Variants in WASF1 observed in about 807,000 individuals in gnomAD.
The protein encoded by WASF1 is WASP family member 1.
A neutral mutation model predicts 50.5 loss-of-function variants in WASF1; 7 were observed. That is an observed-to-expected ratio of 0.14 (90% CI 0.08 to 0.26). The LOEUF (loss-of-function observed/expected upper bound fraction) is 0.26. Ranked by LOEUF, WASF1 falls within the 10% of genes least tolerant of loss-of-function variation. The probability of loss-of-function intolerance (pLI) is 1.00; values close to 1 mark genes in which losing one functional copy is unlikely to be tolerated. For synonymous variants in WASF1, 205 were observed against 244.0 expected, an observed-to-expected ratio of 0.84 and a Z score of 1.49; for missense variants, 470 against 694.7, an observed-to-expected ratio of 0.68 and a Z score of 3.64.
At chr6:110,163,907 C>T (rs199972580) in intron 2 of WASF1, among the ~76,000 whole-genome samples, 137 of 151,534 alleles carry the variant, frequency 9.0e-4, no homozygotes, top group African/African-American at 2.4e-3. Context: ...GAAACAGACC[C>T]GTGCAAATAG....
In WASF1 at chr6:110,117,141, A is replaced by G. The variant is rs545725613; in HGVS notation, c.134-3681T>C. On this transcript the variant is annotated intron_variant, in intron 4 of 10. Coordinates refer to ENST00000392589, the MANE Select transcript of WASF1 (RefSeq NM_003931.3). The stretch of plus-strand genomic sequence containing the variant: ...TTGCAGCTCCTTGCCAGCAAGGGAA[A>G]AAAACTGGATGGAAAATGAGTTTGA... Among the ~76,000 whole-genome samples the G allele has an allele frequency of 3.9e-5, 6 of 152,330 alleles. No homozygotes were observed. In the East Asian group the frequency reaches 1.2e-3, roughly 29 times the overall value.
chr6:110,159,851 A>C (rs1776188998), intron 3 of WASF1, among the ~76,000 whole-genome samples: 1 of 151,824 alleles, frequency 6.6e-6, no homozygotes, highest in Non-Finnish European at 1.5e-5. Flanking sequence ...GAAATTTTCC[A>C]CTTGTGGTAT....
intron 2 of WASF1, among the ~76,000 whole-genome samples, chr6:110,173,805 A>G (rs1268492902): frequency 6.6e-6 from 1 of 152,196 alleles, no homozygotes; most frequent in Non-Finnish European, 1.5e-5. Context: ...AGCTTCAGCA[A>G]CTGAAGAGAA....
Position 110,172,174 on chromosome 6 carries a change from C to T in WASF1, c.-127+6424G>A, listed in dbSNP as rs1776749614. Among the ~76,000 whole-genome samples the T allele has an allele frequency of 3.3e-5, 5 of 152,276 alleles. No homozygotes were observed. The South Asian group carries it at 1.0e-3, about 32-fold the overall frequency. On this transcript the variant is annotated intron_variant, in intron 2 of 10. Coordinates refer to ENST00000392589, the MANE Select transcript of WASF1 (RefSeq NM_003931.3). ...GAATTACCATTTGACTCAGCAATCCCATTACTGGGTATATACCCAAAGGAT... is the reference window on the plus strand; with the variant it reads ...GAATTACCATTTGACTCAGCAATCCTATTACTGGGTATATACCCAAAGGAT...
chr6:110,168,729 A>G (rs966215240), intron 2 of WASF1, among the ~76,000 whole-genome samples: 6 of 152,082 alleles, frequency 3.9e-5, no homozygotes, highest in Non-Finnish European at 7.4e-5. Context: ...TCTACTACTA[A>G]GCACATCAAG....
Position 110,106,969 on chromosome 6 carries a change from G to A in WASF1, c.540+108C>T, listed in dbSNP as rs544977614. ...AAAGACTTCAGTATTTAACTATATG[G>A]ACCCAATAAAATAAAACTGTCAAAA... On this transcript the variant is annotated intron_variant, in intron 7 of 10. Transcript: ENST00000392589. The A allele has an allele frequency of 2.9e-5, 23 of 785,036 alleles. No individual in the cohort carries two copies. The Middle Eastern group carries it at 7.6e-4, about 26-fold the overall frequency. 48.6% of individuals were successfully genotyped at this position (785,036 alleles called of 1,614,324 possible).
intron 3 of WASF1, among the ~76,000 whole-genome samples, chr6:110,145,134 T>C (rs1291955120): frequency 2.0e-5 from 3 of 152,216 alleles, no homozygotes; most frequent in South Asian, 2.1e-4. Context: ...TTTTATTTCA[T>C]TGAGCAGTGG....
intron 3 of WASF1, among the ~76,000 whole-genome samples, chr6:110,133,364 CT>C (rs1774786891): frequency 6.6e-6 from 1 of 151,374 alleles, no homozygotes; most frequent in Non-Finnish European, 1.5e-5. Flanking sequence ...TTTATAGTAT[CT>C]TTTTTATATA....
intron 3 of WASF1, among the ~76,000 whole-genome samples, chr6:110,129,964 A>G (rs1239161745): frequency 6.6e-6 from 1 of 152,222 alleles, no homozygotes; most frequent in Non-Finnish European, 1.5e-5. Flanking sequence ...ACAGTCCTGC[A>G]CTACTGCAAA....
At chr6:110,133,636 G>C (rs372250769) in intron 3 of WASF1, among the ~76,000 whole-genome samples, 1 of 152,084 alleles carries the variant, frequency 6.6e-6, no homozygotes, top group East Asian at 1.9e-4. Context: ...CTGATTATTA[G>C]TGATGGTGAC....
chr6:110,159,305 G>A (rs576973457), intron 3 of WASF1, among the ~76,000 whole-genome samples: 10 of 151,818 alleles, frequency 6.6e-5, no homozygotes, highest in African/African-American at 2.2e-4. Context: ...ACACAAAAAC[G>A]AAAACAAAAA....
intron 4 of WASF1, among the ~76,000 whole-genome samples, chr6:110,119,553 C>G (rs1257483013): frequency 6.6e-6 from 1 of 152,030 alleles, no homozygotes; most frequent in Non-Finnish European, 1.5e-5. Flanking sequence ...ATTTAATAGC[C>G]TACCAACCAA....
At chr6:110,172,804 T>G (rs1021890246) in intron 2 of WASF1, among the ~76,000 whole-genome samples, 1 of 152,058 alleles carries the variant, frequency 6.6e-6, no homozygotes, top group Non-Finnish European at 1.5e-5. Context: ...AGATGGTGGG[T>G]GAGGGGTGAG....
intron 7 of WASF1, among the ~76,000 whole-genome samples, chr6:110,106,400 C>T (rs1773326649): frequency 6.6e-6 from 1 of 152,192 alleles, no homozygotes; most frequent in South Asian, 2.1e-4. Context: ...TGGCATTATA[C>T]AGGGATTAGG....
chr6:110,124,270 C>CTATATA (rs1472747620), intron 4 of WASF1, among the ~76,000 whole-genome samples: 3 of 52,460 alleles, frequency 5.7e-5, no homozygotes, highest in African/African-American at 1.1e-4. Context: ...CTCTCTCTCT[C>CTATATA]TCTCTATATA....
At chr6:110,102,773 T>C (rs1273645088) in intron 9 of WASF1, among the ~76,000 whole-genome samples, 2 of 152,162 alleles carry the variant, frequency 1.3e-5, no homozygotes, top group African/African-American at 4.8e-5. Context: ...AAAGCTGATC[T>C]CTATATCTCT....
chr6:110,172,906 C>T (rs188367241), intron 2 of WASF1, among the ~76,000 whole-genome samples: 2 of 152,240 alleles, frequency 1.3e-5, no homozygotes, highest in Admixed American at 1.3e-4. Context: ...TACGTGTACC[C>T]TCTAAATCTA....
intron 3 of WASF1, among the ~76,000 whole-genome samples, chr6:110,145,879 G>A (rs1193756509): frequency 6.6e-6 from 1 of 150,762 alleles, no homozygotes; most frequent in African/African-American, 2.4e-5. Context: ...ACTATAACAA[G>A]GACAAAAAAA....
At chr6:110,134,830 T>C (rs1023348453) in intron 3 of WASF1, among the ~76,000 whole-genome samples, 1 of 152,214 alleles carries the variant, frequency 6.6e-6, no homozygotes, top group African/African-American at 2.4e-5. Context: ...TTCTTTTTGC[T>C]TAGTCTTGCT....
Sources: gnomAD v4.1 joint callset for allele counts (sites outside exome capture counted in the v4.1 genomes callset) on GRCh38, gnomAD v4.1.1 for gene constraint, MANE v1.5 for transcripts, NCBI Gene and HGNC (gene_info 2026-07-23, HGNC 2026-07-21) for gene names.